SULF2: variants seen among roughly 807,000 people sequenced by gnomAD.
The protein encoded by SULF2 is sulfatase 2.
SULF2 carries 52 observed loss-of-function variants against 107.7 expected under a neutral mutation model. The ratio of observed to expected loss-of-function variants is 0.48; its 90% CI spans 0.39 to 0.61. SULF2 has a LOEUF of 0.61. Among genes scored for constraint, SULF2 ranks in the 20% least tolerant of loss-of-function variants. The probability of loss-of-function intolerance (pLI) is 0.00; values close to 1 mark genes in which losing one functional copy is unlikely to be tolerated. For missense variants in SULF2, 993 were observed against 1,177.3 expected (o/e 0.84, Z 2.29); for synonymous variants, 460 against 464.3 (o/e 0.99, Z 0.12).
intron 3 of SULF2, among the ~76,000 whole-genome samples, chr20:47,729,481 G>C (rs1178150060): frequency 2.0e-5 from 3 of 152,240 alleles, no homozygotes; most frequent in African/African-American, 7.2e-5. Flanking sequence ...AGGCGGGGAA[G>C]ACAGTGGCGC....
chr20:47,683,860 C>T (rs11699350), intron 6 of SULF2, among the ~76,000 whole-genome samples: 33,993 of 152,172 alleles, frequency 0.22, 3,888 homozygotes, highest in Admixed American at 0.24. Context: ...AGCTTGAACA[C>T]GTGGCGCTAA....
chr20:47,761,616 G>A (rs988475003), intron 1 of SULF2, among the ~76,000 whole-genome samples: 3 of 152,170 alleles, frequency 2.0e-5, no homozygotes, highest in African/African-American at 7.2e-5. Flanking sequence ...CCTCGCGCTC[G>A]CACTCTCTTT....
chr20:47,736,443 G>A (rs6094798), intron 3 of SULF2, among the ~76,000 whole-genome samples: 73,445 of 152,086 alleles, frequency 0.48, 17,941 homozygotes, highest in African/African-American at 0.55. Context: ...TCCACACTAT[G>A]ATTCATAGTT....
chr20:47,764,680 T>C (rs1269565193), intron 1 of SULF2, among the ~76,000 whole-genome samples: 1 of 152,172 alleles, frequency 6.6e-6, no homozygotes, highest in Non-Finnish European at 1.5e-5. Context: ...GAGAGGATGC[T>C]GGTGACAATG....
intron 4 of SULF2, among the ~76,000 whole-genome samples, chr20:47,701,461 G>C (rs2088566201): frequency 6.6e-6 from 1 of 152,216 alleles, no homozygotes; most frequent in African/African-American, 2.4e-5. Flanking sequence ...TTCATCTTAT[G>C]TTAAAAACAG....
chr20:47,766,978 T>C (rs1006271140), intron 1 of SULF2, among the ~76,000 whole-genome samples: 18 of 151,606 alleles, frequency 1.2e-4, no homozygotes, highest in Non-Finnish European at 2.2e-4. Flanking sequence ...GACAAAACTC[T>C]CGATTCTCAG....
chr20:47,684,639 G>GC, intron 5 of SULF2, 58 bp from the exon 6 acceptor site: 1 of 1,571,886 alleles, frequency 6.4e-7, no homozygotes, highest in South Asian at 1.2e-5. Flanking sequence ...ACCCTGCCTG[G>GC]CCCCCGCCAG....
At chr20:47,729,492 G>A (rs867384638) in intron 3 of SULF2, among the ~76,000 whole-genome samples, 1 of 152,206 alleles carries the variant, frequency 6.6e-6, no homozygotes, top group East Asian at 1.9e-4. Context: ...ACAGTGGCGC[G>A]GATGGGCTGG....
At position 47,663,004 on chromosome 20, in the gene SULF2, G is replaced by T. The variant is rs1044176102; in HGVS notation, c.2370+66C>A. On this transcript the variant is annotated intron_variant, in intron 17 of 20. Coordinates refer to ENST00000688720, the MANE Select transcript of SULF2 (RefSeq NM_001387048.1). ...TTTGTCATCACTTCCCTGAGGTTGGGGGGGGCCTACCTGGCAGCACTGGTG... is the reference window on the plus strand; with the variant it reads ...TTTGTCATCACTTCCCTGAGGTTGGTGGGGGCCTACCTGGCAGCACTGGTG... 1.6e-5 allele frequency: 25 copies of T among 1,580,468 alleles called. 1 individual carries two copies. The South Asian group carries it at 1.8e-4, about 11-fold the overall frequency.
intron 4 of SULF2, among the ~76,000 whole-genome samples, chr20:47,695,675 G>A (rs113476526): frequency 0.14 from 21,102 of 152,202 alleles, 1,807 homozygotes; most frequent in East Asian, 0.29. Context: ...GTGCAGTGGT[G>A]CTACCTGGGC....
At chr20:47,716,292 G>T (rs912981609) in intron 3 of SULF2, among the ~76,000 whole-genome samples, 14 of 152,184 alleles carry the variant, frequency 9.2e-5, no homozygotes, top group Non-Finnish European at 4.4e-5. Flanking sequence ...GACTTATGTG[G>T]TCAGGAGTTC....
intron 20 of SULF2, among the ~76,000 whole-genome samples, chr20:47,658,628 T>C (rs1315304344): frequency 6.6e-6 from 1 of 152,126 alleles, no homozygotes; most frequent in Non-Finnish European, 1.5e-5. Context: ...GCTAAGGAGA[T>C]TGTGATATGT....
At chr20:47,741,944 A>G (rs995204203) in intron 2 of SULF2, among the ~76,000 whole-genome samples, 2 of 152,182 alleles carry the variant, frequency 1.3e-5, no homozygotes, top group African/African-American at 4.8e-5. Context: ...GGGTCTCGAA[A>G]TGCTTAGATC....
chr20:47,683,394 A>G (rs983543318), intron 6 of SULF2, among the ~76,000 whole-genome samples: 12 of 150,964 alleles, frequency 7.9e-5, no homozygotes, highest in Admixed American at 6.6e-4. Flanking sequence ...CTTGGCATCC[A>G]TCTCTTTTAC....
intron 1 of SULF2, among the ~76,000 whole-genome samples, chr20:47,761,099 T>G (rs2090408575): frequency 6.6e-6 from 1 of 152,258 alleles, no homozygotes. Flanking sequence ...GGGATACATA[T>G]TCCACAATGT....
chr20:47,736,250 T>A (rs2089726826), intron 3 of SULF2, among the ~76,000 whole-genome samples: 1 of 152,204 alleles, frequency 6.6e-6, no homozygotes, highest in Non-Finnish European at 1.5e-5. Context: ...CCTTGGTTAC[T>A]GCCACGTAGA....
chr20:47,722,702 C>G (rs2089327261), intron 3 of SULF2, among the ~76,000 whole-genome samples: 1 of 152,064 alleles, frequency 6.6e-6, no homozygotes, highest in African/African-American at 2.4e-5. Flanking sequence ...GAGGCCGAGG[C>G]AGGCAGATCA....
chr20:47,684,477 C>T lies in SULF2; in HGVS notation c.842G>A (p.Arg281Gln), dbSNP rs116302994. 238 of 1,613,850 alleles carry T rather than the reference C, an allele frequency of 1.5e-4. No individual in the cohort carries two copies. Among genetic ancestry groups the T allele is most frequent in the Non-Finnish European group, 1.8e-4 (213 of 1,179,896 alleles). ...IHMEFTNMLQ[R>Q]KRLQTLMSVD... ...CGACATGAGGGTCTGCAAGCGCTTC[C>T]GCTGGAGCATGTTGGTGAATTCCAT... Residue 281 changes from arginine to glutamine, a missense_variant, in exon 6 of 21, where the codon CGG becomes CAG. Transcript: ENST00000688720.
chr20:47,718,304 T>G (rs1395704273), intron 3 of SULF2, among the ~76,000 whole-genome samples: 1 of 152,202 alleles, frequency 6.6e-6, no homozygotes, highest in East Asian at 1.9e-4. Context: ...AGAAAATATG[T>G]TAACTGCCTC....
Sources: gnomAD v4.1 joint callset for allele counts (sites outside exome capture counted in the v4.1 genomes callset) on GRCh38, gnomAD v4.1.1 for gene constraint, MANE v1.5 for transcripts, NCBI Gene and HGNC (gene_info 2026-07-23, HGNC 2026-07-21) for gene names.